Variants in LRMDA observed in about 807,000 individuals in gnomAD.
The protein encoded by LRMDA is leucine-rich melanocyte differentiation-associated protein.
Under a neutral mutation model 29.8 loss-of-function variants are expected in LRMDA, and 18 were observed. The ratio of observed to expected loss-of-function variants is 0.60; its 90% CI spans 0.42 to 0.90. The LOEUF (loss-of-function observed/expected upper bound fraction) is 0.90. Ranked by LOEUF, LRMDA falls within the 40% of genes least tolerant of loss-of-function variation. The probability of loss-of-function intolerance (pLI) is 0.00; values close to 1 mark genes in which losing one functional copy is unlikely to be tolerated. For synonymous variants in LRMDA, 125 were observed against 109.4 expected (o/e 1.14, Z -0.89); for missense variants, 273 against 273.9 (o/e 1.00, Z 0.02).
At chr10:76,303,587 G>A (rs1322020661) in intron 5 of LRMDA, among the ~76,000 whole-genome samples, 1 of 152,070 alleles carries the variant, frequency 6.6e-6, no homozygotes. Context: ...ATCATTTAGT[G>A]GGTAGTACAT....
At chr10:75,920,241 C>G (rs769827409) in intron 2 of LRMDA, among the ~76,000 whole-genome samples, 2 of 152,102 alleles carry the variant, frequency 1.3e-5, no homozygotes, top group Non-Finnish European at 2.9e-5. Flanking sequence ...GATGGTACAC[C>G]ACCCCCACCC....
chr10:76,505,364 T>C (rs1842948552), intron 6 of LRMDA, among the ~76,000 whole-genome samples: 1 of 152,092 alleles, frequency 6.6e-6, no homozygotes, highest in Non-Finnish European at 1.5e-5. Flanking sequence ...CTAGCAAGAT[T>C]GGAGAAATGT....
chr10:75,534,267 T>G (rs899118880), intron 2 of LRMDA, among the ~76,000 whole-genome samples: 2 of 152,234 alleles, frequency 1.3e-5, no homozygotes, highest in African/African-American at 4.8e-5. Context: ...GAACAGCTAC[T>G]GGGTGCAAAG....
chr10:75,631,409 C>CA (rs904206293), intron 2 of LRMDA, among the ~76,000 whole-genome samples: 2 of 151,984 alleles, frequency 1.3e-5, no homozygotes, highest in African/African-American at 4.8e-5. Flanking sequence ...CTGCACCCCC[C>CA]CCGCCCCGCC....
intron 2 of LRMDA, among the ~76,000 whole-genome samples, chr10:75,502,291 C>A (rs891110044): frequency 3.9e-5 from 6 of 152,184 alleles, no homozygotes; most frequent in Admixed American, 6.5e-5. Flanking sequence ...AGGGGTGAGC[C>A]CTGTGGCTTC....
chr10:76,171,574 C>A (rs1282285344), intron 5 of LRMDA, among the ~76,000 whole-genome samples: 1 of 152,160 alleles, frequency 6.6e-6, no homozygotes, highest in Non-Finnish European at 1.5e-5. Flanking sequence ...ACTGCTCTGG[C>A]CTTTAGTTGC....
At chr10:76,140,341 CA>C (rs1243270016) in intron 5 of LRMDA, among the ~76,000 whole-genome samples, 3 of 152,124 alleles carry the variant, frequency 2.0e-5, no homozygotes, top group Admixed American at 6.6e-5. Context: ...CTGAAATCTG[CA>C]GAACAAAATC....
rs188737778 is a variant in LRMDA, at chr10:76,422,517, G to A, written c.601+98032G>A. On this transcript the variant is annotated intron_variant, in intron 6 of 6. Coordinates refer to ENST00000611255, the MANE Select transcript of LRMDA (RefSeq NM_001305581.2). ...ATTACAAAGACAGAAACCCAGCCCCGCCATGCTCTCCTCAGTCTGTCTAAT... is the reference window on the plus strand; with the variant it reads ...ATTACAAAGACAGAAACCCAGCCCCACCATGCTCTCCTCAGTCTGTCTAAT... 4.7e-4 allele frequency among the ~76,000 whole-genome samples: 72 copies of A among 152,024 alleles called. 1 individual carries two copies. The Middle Eastern group carries it at 0.01, about 22-fold the overall frequency.
At chr10:76,221,652 A>G (rs1397634639) in intron 5 of LRMDA, among the ~76,000 whole-genome samples, 1 of 152,276 alleles carries the variant, frequency 6.6e-6, no homozygotes, top group Non-Finnish European at 1.5e-5. Context: ...TTCCATGCTC[A>G]TGGGTAGGAA....
intron 2 of LRMDA, among the ~76,000 whole-genome samples, chr10:75,453,838 A>G (rs1844485932): frequency 6.6e-6 from 1 of 152,226 alleles, no homozygotes; most frequent in Non-Finnish European, 1.5e-5. Flanking sequence ...CTCACCCATC[A>G]TAGGGGCCAT....
intron 6 of LRMDA, among the ~76,000 whole-genome samples, chr10:76,339,835 A>T (rs1841015524): frequency 1.3e-5 from 2 of 152,102 alleles, no homozygotes; most frequent in African/African-American, 2.4e-5. Context: ...AAAAAATAAG[A>T]TGATAAAAGA....
At chr10:75,596,170 T>A (rs1256657750) in intron 2 of LRMDA, among the ~76,000 whole-genome samples, 2 of 152,206 alleles carry the variant, frequency 1.3e-5, no homozygotes, top group Non-Finnish European at 2.9e-5. Context: ...AAGGTAGATA[T>A]GATTATGATC....
chr10:76,409,854 C>T (rs1841939430), intron 6 of LRMDA, among the ~76,000 whole-genome samples: 1 of 152,174 alleles, frequency 6.6e-6, no homozygotes, highest in Non-Finnish European at 1.5e-5. Flanking sequence ...TCTGCTCTCC[C>T]AGAGGATAGA....
At chr10:76,247,937 T>TA (rs1852405306) in intron 5 of LRMDA, among the ~76,000 whole-genome samples, 1 of 152,172 alleles carries the variant, frequency 6.6e-6, no homozygotes. Context: ...GCATTTTTGC[T>TA]AAAAAGTCCA....
At chr10:76,421,720 A>G (rs555841939) in intron 6 of LRMDA, among the ~76,000 whole-genome samples, 62 of 152,244 alleles carry the variant, frequency 4.1e-4, no homozygotes, top group South Asian at 1.2e-3. Flanking sequence ...TCTTTAGAAT[A>G]TATGTGATTG....
At chr10:75,641,224 A>G (rs1841449178) in intron 2 of LRMDA, among the ~76,000 whole-genome samples, 1 of 152,128 alleles carries the variant, frequency 6.6e-6, no homozygotes, top group African/African-American at 2.4e-5. Context: ...TTGGGAGGTT[A>G]AAAAGAGAAT....
At chr10:75,761,510 T>C (rs1435126852) in intron 2 of LRMDA, among the ~76,000 whole-genome samples, 1 of 152,046 alleles carries the variant, frequency 6.6e-6, no homozygotes, top group Non-Finnish European at 1.5e-5. Context: ...GAAAGAAGCA[T>C]AGAGGTTATC....
chr10:76,465,655 T>G (rs1842557298), intron 6 of LRMDA, among the ~76,000 whole-genome samples: 1 of 152,136 alleles, frequency 6.6e-6, no homozygotes, highest in Non-Finnish European at 1.5e-5. Context: ...ATTGTTTAAG[T>G]AGGGTATGAG....
At chr10:76,032,626 G>GT (rs1233390929) in intron 2 of LRMDA, among the ~76,000 whole-genome samples, 1 of 152,176 alleles carries the variant, frequency 6.6e-6, no homozygotes, top group Non-Finnish European at 1.5e-5. Flanking sequence ...AGGGAAGGAG[G>GT]TAAGAGGATG....
Sources: allele counts gnomAD v4.1 joint callset (sites outside exome capture counted in the v4.1 genomes callset), GRCh38; gene constraint gnomAD v4.1.1; transcripts MANE v1.5; gene names NCBI Gene and HGNC (gene_info 2026-07-23, HGNC 2026-07-21).